The following CACNA2D1 variants were observed in gnomAD, a reference collection of about 807,000 sequenced individuals.
The protein encoded by CACNA2D1 is calcium voltage-gated channel auxiliary subunit alpha2delta 1, also known as voltage-dependent calcium channel subunit alpha-2/delta-1.
In CACNA2D1, 53 loss-of-function variants were observed where a neutral mutation model predicts 171.5. The ratio of observed to expected loss-of-function variants is 0.31; its 90% confidence interval spans 0.25 to 0.39. The LOEUF (loss-of-function observed/expected upper bound fraction) is 0.39, where lower values mean the gene tolerates loss of function less well. Among genes scored for constraint, CACNA2D1 ranks in the 10% least tolerant of loss-of-function variants. CACNA2D1 has a pLI of 1.00. For synonymous variants in CACNA2D1, 442 were observed against 443.1 expected, an observed-to-expected ratio of 1.00 and a Z score of 0.03; for missense variants, 903 against 1,299.8, an observed-to-expected ratio of 0.69 and a Z score of 4.69.
intron 6 of CACNA2D1, among the ~76,000 whole-genome samples, chr7:82,099,244 T>C (rs1188353968): frequency 6.6e-6 from 1 of 152,112 alleles, no homozygotes; most frequent in Non-Finnish European, 1.5e-5. Flanking sequence ...AAATCTTTTA[T>C]ATTCATTTTA....
At position 82,416,382 on chromosome 7, in the gene CACNA2D1, G is replaced by A. The variant is rs140502370; in HGVS notation, c.95+26983C>T. On this transcript the variant is annotated intron_variant, in intron 1 of 38. Transcript: ENST00000356860. ...AGCAAAAAGAAGGTAATGATGTCTGGATTCGTTTGCTCAGGCTACCATAAC... is the reference window on the plus strand; with the variant it reads ...AGCAAAAAGAAGGTAATGATGTCTGAATTCGTTTGCTCAGGCTACCATAAC... Among the ~76,000 whole-genome samples, 274 of 152,216 alleles carry A rather than the reference G, an allele frequency of 1.8e-3. 1 individual carries two copies. Among genetic ancestry groups the A allele is most frequent in the Non-Finnish European group, 2.8e-3 (191 of 68,016 alleles).
At chr7:82,011,907 A>T in intron 15 of CACNA2D1, 2 of 388,780 alleles carry the variant, frequency 5.1e-6, no homozygotes, top group Non-Finnish European at 9.2e-6. Flanking sequence ...CCAGGTTGGA[A>T]ATTCTACATT....
intron 3 of CACNA2D1, among the ~76,000 whole-genome samples, chr7:82,267,760 C>A (rs1451638953): frequency 6.6e-6 from 1 of 152,030 alleles, no homozygotes; most frequent in Non-Finnish European, 1.5e-5. Context: ...TTTGGGAGGC[C>A]GAGGTGGGCG....
At position 82,053,251 on chromosome 7, in the gene CACNA2D1, C is replaced by CAAAAA. The variant is rs4019049; in HGVS notation, c.879+7172_879+7176dup. On this transcript the variant is annotated intron_variant, in intron 10 of 38. Transcript: ENST00000356860. ...TGGGTGACAGAGCGAGACTCCGTCT[C>CAAAAA]AAAAAAAAAAAAAAAAAATTAAATA... Among the ~76,000 whole-genome samples the CAAAAA allele has an allele frequency of 2.0e-3, 227 of 115,762 alleles. 3 individuals carry two copies. Among genetic ancestry groups the CAAAAA allele is most frequent in the African/African-American group, 6.8e-3 (194 of 28,650 alleles). The allele number at this position is 115,762 out of a possible 152,430, so 75.9% of individuals were successfully genotyped here.
chr7:82,324,263 CA>C (rs1816350260), intron 3 of CACNA2D1, among the ~76,000 whole-genome samples: 1 of 151,022 alleles, frequency 6.6e-6, no homozygotes, highest in Admixed American at 6.6e-5. Flanking sequence ...GAGGCTGAGG[CA>C]GGGGAATCCT....
At chr7:82,278,135 A>C (rs1247564890) in intron 3 of CACNA2D1, among the ~76,000 whole-genome samples, 1 of 152,150 alleles carries the variant, frequency 6.6e-6, no homozygotes, top group Non-Finnish European at 1.5e-5. Context: ...TCATTTATTC[A>C]ACTTTTGGTA....
intron 1 of CACNA2D1, among the ~76,000 whole-genome samples, chr7:82,430,240 A>G (rs1029909190): frequency 1.3e-5 from 2 of 151,870 alleles, no homozygotes; most frequent in Non-Finnish European, 2.9e-5. Context: ...AATATGGTGA[A>G]CCCCGTCTCT....
chr7:81,996,700 A>G (rs1360884226), intron 19 of CACNA2D1, among the ~76,000 whole-genome samples: 1 of 151,266 alleles, frequency 6.6e-6, no homozygotes, highest in African/African-American at 2.4e-5. Flanking sequence ...TCTCATTATT[A>G]TGGAAGACTC....
chr7:82,426,794 A>G (rs1234986689), intron 1 of CACNA2D1, among the ~76,000 whole-genome samples: 2 of 152,162 alleles, frequency 1.3e-5, no homozygotes, highest in Admixed American at 6.6e-5. Flanking sequence ...ACTTCATTAT[A>G]TACTACAATA....
chr7:82,032,664 G>T, intron 12 of CACNA2D1, 133 bp downstream of exon 12: 1 of 578,016 alleles, frequency 1.7e-6, no homozygotes, highest in Non-Finnish European at 3.1e-6. Flanking sequence ...TATAATCTAT[G>T]ATTCATATGG....
At position 81,962,430 on chromosome 7, in the gene CACNA2D1, A is replaced by AT. The variant is rs1423840894; in HGVS notation, c.2836+9dup. 1 of 1,597,946 alleles carries AT rather than the reference A, an allele frequency of 6.3e-7. No homozygotes were observed. Among genetic ancestry groups the AT allele is most frequent in the Admixed American group, 1.7e-5 (1 of 59,234 alleles). On this transcript the variant is annotated intron_variant, in intron 35 of 38. Coordinates refer to ENST00000356860, the MANE Select transcript of CACNA2D1 (RefSeq NM_000722.4). Reference sequence around the variant, plus strand: ...GTTATGGCAATGACAAGGTCTGAGCATTTACATACCTGCCTCAAGGAGTCG... The same window carrying AT: ...GTTATGGCAATGACAAGGTCTGAGCATTTTACATACCTGCCTCAAGGAGTCG...
intron 2 of CACNA2D1, among the ~76,000 whole-genome samples, chr7:82,341,664 G>A (rs1185266016): frequency 6.6e-6 from 1 of 152,050 alleles, no homozygotes; most frequent in African/African-American, 2.4e-5. Context: ...AATACCAACT[G>A]CTAAAATGTA....
intron 3 of CACNA2D1, among the ~76,000 whole-genome samples, chr7:82,173,941 G>C (rs1269962314): frequency 6.6e-6 from 1 of 150,920 alleles, no homozygotes; most frequent in African/African-American, 2.4e-5. Context: ...TACTCAGGGG[G>C]CTGAGGCAGG....
chr7:82,057,140 T>A (rs1012543064), intron 10 of CACNA2D1, among the ~76,000 whole-genome samples: 2 of 152,190 alleles, frequency 1.3e-5, no homozygotes, highest in African/African-American at 2.4e-5. Context: ...AATAATTTTT[T>A]AAAAATGGTT....
chr7:82,167,385 A>C (rs1024795373), intron 4 of CACNA2D1, among the ~76,000 whole-genome samples: 1 of 152,014 alleles, frequency 6.6e-6, no homozygotes, highest in African/African-American at 2.4e-5. Flanking sequence ...CTGGTCTTGA[A>C]GGATTTATTT....
intron 1 of CACNA2D1, among the ~76,000 whole-genome samples, chr7:82,385,451 G>A (rs368439326): frequency 2.6e-5 from 4 of 152,246 alleles, no homozygotes; most frequent in South Asian, 4.1e-4. Context: ...AAATATAGTT[G>A]AAATAGTCCA....
chr7:81,968,282 A>G (rs1794916245), intron 29 of CACNA2D1, among the ~76,000 whole-genome samples: 2 of 151,358 alleles, frequency 1.3e-5, no homozygotes, highest in Non-Finnish European at 3.0e-5. Flanking sequence ...AAAAACTAAT[A>G]GCTTTTACTT....
At chr7:82,046,838 TC>T (rs1411269506) in intron 10 of CACNA2D1, among the ~76,000 whole-genome samples, 6 of 152,178 alleles carry the variant, frequency 3.9e-5, no homozygotes, top group Non-Finnish European at 8.8e-5. Context: ...AACAAATATT[TC>T]AAACAACTCA....
chr7:82,218,921 C>A (rs1394340260), intron 3 of CACNA2D1, among the ~76,000 whole-genome samples: 1 of 151,840 alleles, frequency 6.6e-6, no homozygotes, highest in Non-Finnish European at 1.5e-5. Flanking sequence ...AAAATATTAG[C>A]CTATATTTAA....
Sources: gnomAD v4.1 joint callset for allele counts (sites outside exome capture counted in the v4.1 genomes callset) on GRCh38, gnomAD v4.1.1 for gene constraint, MANE v1.5 for transcripts, NCBI Gene and HGNC (gene_info 2026-07-23, HGNC 2026-07-21) for gene names.